The following SGCB variants were observed in gnomAD, a reference collection of about 807,000 sequenced individuals.
SGCB encodes sarcoglycan beta.
In SGCB, 25 loss-of-function variants were observed where a neutral mutation model predicts 27.3. The ratio of observed to expected loss-of-function variants is 0.92; its 90% CI spans 0.67 to 1.28. SGCB has a LOEUF of 1.28. SGCB is among the 50% of genes most tolerant of loss of function. SGCB has a pLI of 0.00. For missense variants in SGCB, 436 were observed against 402.1 expected (o/e 1.08, Z -0.72); for synonymous variants, 147 against 133.5 (o/e 1.10, Z -0.70).
intron 5 of SGCB, among the ~76,000 whole-genome samples, chr4:52,027,283 T>A (rs1208888647): frequency 6.6e-6 from 1 of 152,130 alleles, no homozygotes; most frequent in Non-Finnish European, 1.5e-5. Flanking sequence ...TAAAAAGTTT[T>A]TGGACTTATG....
chr4:52,023,748 G>C lies in SGCB; in HGVS notation c.*209C>G, dbSNP rs1479073182. 1 of 527,516 alleles carries C rather than the reference G, an allele frequency of 1.9e-6. No individual in the cohort carries two copies. The highest frequency in any genetic ancestry group is 1.9e-5 in the African/African-American group (1 of 52,716). 32.7% of individuals were successfully genotyped at this position (527,516 alleles called of 1,614,324 possible). A position where few individuals can be genotyped will look rare whatever the true frequency, so the allele number is the denominator to read the frequency against. On this transcript the variant is annotated 3_prime_UTR_variant, in exon 6 of 6. Coordinates refer to ENST00000381431, the MANE Select transcript of SGCB (RefSeq NM_000232.5). ...CTTCTCATAATTATTTTAGAGAACA[G>C]TAAATATGAAGATTAGTATAAATTA...
rs183042117 is a variant in SGCB at position 52,021,084 on chromosome 4, T to C, written c.*2873A>G. Reference sequence around the variant, plus strand: ...GCAGTCCGTTTTGTGTGGTTTTACATTTTTCTGTCTGCCCATTATTAAGAA... The same window carrying C: ...GCAGTCCGTTTTGTGTGGTTTTACACTTTTCTGTCTGCCCATTATTAAGAA... On this transcript the variant is annotated 3_prime_UTR_variant, in exon 6 of 6. Transcript: ENST00000381431. 6.6e-6 allele frequency: 1 copy of C among 152,348 alleles called. No homozygotes were observed. Among genetic ancestry groups the C allele is most frequent in the African/African-American group, 2.4e-5 (1 of 41,576 alleles). The allele number at this position is 152,348 out of a possible 1,614,324, so 9.4% of individuals were successfully genotyped here. A position where few individuals can be genotyped will look rare whatever the true frequency, so the allele number is the denominator to read the frequency against.
At position 52,029,863 on chromosome 4, in the gene SGCB, T is replaced by C. The variant is rs143106297; in HGVS notation, c.244A>G (p.Ile82Val). The change falls in exon 3 of 6, where the codon ATA becomes GTA. Residue 82 changes from isoleucine to valine, a missense_variant and splice_region_variant. By Grantham distance (29) the Ile-to-Val change is conservative. Coordinates refer to ENST00000381431, the MANE Select transcript of SGCB (RefSeq NM_000232.5). ...ATCACGGCCCAAATAACAAGTGTTATCTGAAAAAGAACACAAGTCCACTGT... is the reference window on the plus strand; with the variant it reads ...ATCACGGCCCAAATAACAAGTGTTACCTGAAAAAGAACACAAGTCCACTGT... ...LFILAVINLI[I>V]TLVIWAVIRI... The C allele has an allele frequency of 8.7e-6, 14 of 1,612,634 alleles. No homozygotes were observed. The highest frequency in any genetic ancestry group is 1.7e-5 in the Admixed American group (1 of 60,006).
At chr4:52,032,043 A>AACCC in intron 2 of SGCB, 1 of 445,584 alleles carries the variant, frequency 2.2e-6, no homozygotes, top group Non-Finnish European at 4.5e-6. Flanking sequence ...ATGGAAACCC[A>AACCC]ACCCCTACCC....
intron 1 of SGCB, among the ~76,000 whole-genome samples, chr4:52,035,803 C>A (rs1159598257): frequency 6.6e-6 from 1 of 152,118 alleles, no homozygotes; most frequent in African/African-American, 2.4e-5. Flanking sequence ...TTCTGACAGC[C>A]CTAACAGATG....
chr4:52,029,846 C>T lies in SGCB; in HGVS notation c.261G>A (p.Trp87Ter), dbSNP rs2109372060. The stretch of plus-strand genomic sequence containing the variant: ...CATTTGGTCCAATGCGAATCACGGC[C>T]CAAATAACAAGTGTTATCTGAAAAA... ...VINLIITLVI[W>*]AVIRIGPNGC... The change falls in exon 3 of 6, where the codon TGG (tryptophan) becomes TGA (stop). Residue 87 changes from tryptophan to a stop codon, truncating the protein, a stop_gained. Coordinates refer to ENST00000381431, the MANE Select transcript of SGCB (RefSeq NM_000232.5). LOFTEE classifies it high-confidence loss of function. 1 of 1,613,504 alleles carries T rather than the reference C, an allele frequency of 6.2e-7. No homozygotes were observed. Among genetic ancestry groups the T allele is most frequent in the Non-Finnish European group, 8.5e-7 (1 of 1,179,612 alleles).
intron 4 of SGCB, among the ~76,000 whole-genome samples, 199 bp from the exon 5 acceptor site, chr4:52,028,298 T>A (rs1737158633): frequency 6.6e-6 from 1 of 152,188 alleles, no homozygotes; most frequent in African/African-American, 2.4e-5. Flanking sequence ...CTAGAATTAA[T>A]CCTTTCCGGT....
In SGCB at chr4:52,028,786, A is replaced by G; in HGVS notation, c.565T>C (p.Phe189Leu). ...LFSTDYETHE[F>L]HLPSGVKSLN... is the part of the protein sequence containing the mutation. ...CTTTTCACTCCACTTGGCAAATGAA[A>G]CTCATGAGTTTCATAGTCTGTGCTG... The change falls in exon 4 of 6, where the codon TTT becomes CTT. Residue 189 changes from phenylalanine (F) to leucine (L), a missense_variant. Transcript: ENST00000381431. 1 of 1,613,770 alleles carries G rather than the reference A, an allele frequency of 6.2e-7. No individual in the cohort carries two copies. The highest frequency in any genetic ancestry group is 2.2e-5 in the East Asian group (1 of 44,858).
Position 52,022,194 on chromosome 4 carries a change from GCT to G in SGCB, c.*1761_*1762del, listed in dbSNP as rs1736967713. On this transcript the variant is annotated 3_prime_UTR_variant, in exon 6 of 6. Transcript: ENST00000381431. ...CTCATTCTTTTCATTTAAAAACAGC[GCT>G]CAGTGTTAGGTAGTAAGTCAATCCA... The G allele has an allele frequency of 6.6e-6, 1 of 152,088 alleles. No individual in the cohort carries two copies. Among genetic ancestry groups the G allele is most frequent in the South Asian group, 2.1e-4 (1 of 4,826 alleles). The allele number at this position is 152,088 out of a possible 1,614,324, so 9.4% of individuals were successfully genotyped here. A position where few individuals can be genotyped will look rare whatever the true frequency, so the allele number is the denominator to read the frequency against.
chr4:52,037,751 G>A (rs950422484), intron 1 of SGCB, among the ~76,000 whole-genome samples: 2 of 152,194 alleles, frequency 1.3e-5, no homozygotes, highest in Admixed American at 1.3e-4. Flanking sequence ...GGAAATCTGG[G>A]ATGTCTGCAT....
intron 5 of SGCB, among the ~76,000 whole-genome samples, chr4:52,024,744 C>T (rs965836081): frequency 1.5e-5 from 2 of 135,616 alleles, no homozygotes; most frequent in African/African-American, 2.7e-5. Flanking sequence ...AGGAGAATGG[C>T]GTGAACCCGG....
chr4:52,024,109 G>A lies in SGCB; in HGVS notation c.805C>T (p.Pro269Ser), dbSNP rs768472971. ...AACTGGTCTCCACTGGAGGAACTGG[G>A]TAGGCGGGTGGTGCTGACCATCACA... ...GSVMVSTTRLPSSSSGDQLGS... is the reference protein window; with the variant it reads ...GSVMVSTTRLSSSSSGDQLGS... The change falls in exon 6 of 6, where the codon CCC becomes TCC. Residue 269 changes from proline to serine, a missense_variant. Physicochemically the swap from Pro to Ser is moderately conservative, Grantham distance 74. Coordinates refer to ENST00000381431, the MANE Select transcript of SGCB (RefSeq NM_000232.5). 56 of 1,614,042 alleles carry A rather than the reference G, an allele frequency of 3.5e-5. No homozygotes were observed. The highest frequency in any genetic ancestry group is 4.0e-5 in the African/African-American group (3 of 74,914).
At chr4:52,033,121 C>G (rs1002291958) in intron 2 of SGCB, among the ~76,000 whole-genome samples, 1 of 152,168 alleles carries the variant, frequency 6.6e-6, no homozygotes, top group Admixed American at 6.5e-5. Flanking sequence ...GCAAAGTTCT[C>G]TTCTATTGAG....
At chr4:52,024,827 C>CAAA (rs3050627) in intron 5 of SGCB, among the ~76,000 whole-genome samples, 6 of 55,904 alleles carry the variant, frequency 1.1e-4, no homozygotes, top group South Asian at 9.5e-4. Context: ...GACACTGTCT[C>CAAA]AAAAAAAAAA....
At chr4:52,027,241 A>G (rs868618749) in intron 5 of SGCB, among the ~76,000 whole-genome samples, 1 of 152,124 alleles carries the variant, frequency 6.6e-6, no homozygotes, top group Non-Finnish European at 1.5e-5. Context: ...GGCATTTTGA[A>G]TAAGTATACT....
chr4:52,028,038 C>T lies in SGCB; in HGVS notation c.683G>A (p.Gly228Glu), dbSNP rs1737147925. The change falls in exon 5 of 6, where the codon GGA becomes GAA. Residue 228 changes from glycine (G) to glutamate (E), a missense_variant. Gly to Glu is a moderately conservative substitution (Grantham distance 98). Coordinates refer to ENST00000381431, the MANE Select transcript of SGCB (RefSeq NM_000232.5). ...IKVDGRAIVR[G>E]NEGVFIMGKT... The stretch of plus-strand genomic sequence containing the variant: ...GCCCATAATGAATACACCTTCATTT[C>T]CACGCACAATAGCACGCCCATCAAC... 3 of 1,612,140 alleles carry T rather than the reference C, an allele frequency of 1.9e-6. No individual in the cohort carries two copies. The South Asian group carries it at 3.3e-5, about 18-fold the overall frequency.
At chr4:52,025,281 A>T (rs60367455) in intron 5 of SGCB, among the ~76,000 whole-genome samples, 5,278 of 152,276 alleles carry the variant, frequency 0.035, 313 homozygotes, top group African/African-American at 0.12. Flanking sequence ...GAAATAAAGC[A>T]GGATAAGTAG....
rs1451514535 is a variant in SGCB, at chr4:52,022,013, CTAAA to C, written c.*1940_*1943del. The C allele has an allele frequency of 6.6e-5, 10 of 152,018 alleles. No individual in the cohort carries two copies. Among genetic ancestry groups the C allele is most frequent in the Non-Finnish European group, 2.9e-5 (2 of 68,006 alleles). 9.4% of individuals were successfully genotyped at this position (152,018 alleles called of 1,614,324 possible). A position where few individuals can be genotyped will look rare whatever the true frequency, so the allele number is the denominator to read the frequency against. On this transcript the variant is annotated 3_prime_UTR_variant, in exon 6 of 6. Transcript: ENST00000381431. ...ACTTAAATAAACTTTTAAAATAAAT[CTAAA>C]TAGAGCAGATAAGTAATGAATATGC...
intron 1 of SGCB, 97 bp downstream of exon 1, chr4:52,038,130 G>T: frequency 1.1e-6 from 1 of 876,576 alleles, no homozygotes; most frequent in Non-Finnish European, 1.3e-6. Context: ...TGCGGCCCGC[G>T]CCCCCCGCAC....
Sources: gnomAD v4.1 joint callset for allele counts (sites outside exome capture counted in the v4.1 genomes callset) on GRCh38, gnomAD v4.1.1 for gene constraint, MANE v1.5 for transcripts, NCBI Gene and HGNC (gene_info 2026-07-23, HGNC 2026-07-21) for gene names.